OTOA: variants seen among roughly 807,000 people sequenced by gnomAD.
The protein encoded by OTOA is otoancorin, also known as cancer/testis antigen 108.
A neutral mutation model predicts 110.8 loss-of-function variants in OTOA; 70 were observed. The ratio of observed to expected loss-of-function variants is 0.63; its 90% CI spans 0.52 to 0.77. The LOEUF is 0.77. OTOA is among the 30% of genes least tolerant of loss of function. The pLI, the probability that OTOA is intolerant of heterozygous loss-of-function variation, is 0.00. For missense variants in OTOA, 917 were observed against 1,075.8 expected, an observed-to-expected ratio of 0.85 and a Z score of 2.06; for synonymous variants, 373 against 431.5, an observed-to-expected ratio of 0.86 and a Z score of 1.68.
intron 5 of OTOA, among the ~76,000 whole-genome samples, chr16:21,681,338 C>A (rs1966888707): frequency 6.6e-6 from 1 of 152,096 alleles, no homozygotes; most frequent in Non-Finnish European, 1.5e-5. Context: ...CTCCTGTAAT[C>A]CCAGTACTTT....
chr16:21,674,890 A>T (rs1208649914), intron 1 of OTOA, among the ~76,000 whole-genome samples: 33 of 137,920 alleles, frequency 2.4e-4, no homozygotes, highest in Admixed American at 6.0e-4. Context: ...GATTTTTTTT[A>T]AAAATCTTTT....
At chr16:21,671,586 C>CAAAAAAAAAAAAAAA (rs369010025) in intron 1 of OTOA, among the ~76,000 whole-genome samples, 2 of 78,470 alleles carry the variant, frequency 2.5e-5, no homozygotes, top group Non-Finnish European at 2.6e-5. Flanking sequence ...GACTCCATAT[C>CAAAAAAAAAAAAAAA]AAAAAAAAAA....
Position 21,692,326 on chromosome 16 carries a change from C to T in OTOA, c.739+639C>T, listed in dbSNP as rs183591477. 1.5e-4 allele frequency among the ~76,000 whole-genome samples: 21 copies of T among 141,988 alleles called. No individual in the cohort carries two copies. The East Asian group carries it at 3.7e-3, about 25-fold the overall frequency. The allele number at this position is 141,988 out of a possible 152,430, so 93.1% of individuals were successfully genotyped here. ...TGGGTGACAGAGCGAGACTCCGTCTCGAAAAAAAAAAAAAGAGAGAGAGAC... is the reference window on the plus strand; with the variant it reads ...TGGGTGACAGAGCGAGACTCCGTCTTGAAAAAAAAAAAAAGAGAGAGAGAC... On this transcript the variant is annotated intron_variant, in intron 9 of 28. Coordinates refer to ENST00000646100, the MANE Select transcript of OTOA (RefSeq NM_144672.4).
chr16:21,723,815 A>C (rs1898834955), intron 18 of OTOA, among the ~76,000 whole-genome samples: 1 of 152,154 alleles, frequency 6.6e-6, no homozygotes, highest in Non-Finnish European at 1.5e-5. Context: ...TGGAAGATCT[A>C]AGGTTAAATT....
intron 12 of OTOA, 104 bp downstream of exon 12, chr16:21,705,396 T>TA: frequency 6.4e-7 from 1 of 1,568,672 alleles, no homozygotes; most frequent in Non-Finnish European, 8.7e-7. Context: ...CACACAGCAT[T>TA]AGTCGGGATT....
intron 9 of OTOA, among the ~76,000 whole-genome samples, chr16:21,695,886 T>TAG (rs1597817432): frequency 1.6e-5 from 1 of 60,852 alleles, no homozygotes; most frequent in Non-Finnish European, 3.1e-5. Flanking sequence ...TATATATATA[T>TAG]ATATATTTTT....
chr16:21,675,937 A>G (rs956666082), intron 1 of OTOA, among the ~76,000 whole-genome samples: 1 of 151,998 alleles, frequency 6.6e-6, no homozygotes, highest in Admixed American at 6.6e-5. Flanking sequence ...TTTATTAAAA[A>G]ATTTCTTTGA....
intron 6 of OTOA, among the ~76,000 whole-genome samples, chr16:21,684,995 C>G (rs555219680): frequency 3.4e-4 from 51 of 152,130 alleles, no homozygotes; most frequent in African/African-American, 1.2e-3. Context: ...CGTGATCCAC[C>G]CGCCTCGGCC....
At chr16:21,672,580 G>A (rs994869973) in intron 1 of OTOA, among the ~76,000 whole-genome samples, 11 of 145,516 alleles carry the variant, frequency 7.6e-5, no homozygotes, top group Admixed American at 4.2e-4. Context: ...CCGAGATTGC[G>A]CCACTACACT....
At chr16:21,758,858 C>T (rs1474414443) in intron 28 of OTOA, among the ~76,000 whole-genome samples, 1 of 151,506 alleles carries the variant, frequency 6.6e-6, no homozygotes, top group Non-Finnish European at 1.5e-5. Context: ...AAAAATTAGC[C>T]GGGTGTGGTG....
In OTOA at chr16:21,708,200, G is replaced by A. The variant is rs145056557; in HGVS notation, c.1105-1688G>A. ...TGAGCTTGTTTTCCTGCAACTAGACGGTCCCATCTGGGGGTGATGAGAGAC... is the reference window on the plus strand; with the variant it reads ...TGAGCTTGTTTTCCTGCAACTAGACAGTCCCATCTGGGGGTGATGAGAGAC... On this transcript the variant is annotated intron_variant, in intron 12 of 28. Coordinates refer to ENST00000646100, the MANE Select transcript of OTOA (RefSeq NM_144672.4). Among the ~76,000 whole-genome samples, 308 of 152,234 alleles carry A rather than the reference G, an allele frequency of 2.0e-3. 2 individuals carry two copies. The highest frequency in any genetic ancestry group is 4.7e-3 in the Admixed American group (72 of 15,282).
At chr16:21,716,263 G>T (rs1012156240) in intron 14 of OTOA, among the ~76,000 whole-genome samples, 4 of 150,480 alleles carry the variant, frequency 2.7e-5, no homozygotes, top group African/African-American at 4.9e-5. Flanking sequence ...CTGTCCAATG[G>T]CAAAATCTGT....
intron 24 of OTOA, among the ~76,000 whole-genome samples, chr16:21,751,194 A>G (rs1347326466): frequency 0.072 from 189 of 2,618 alleles, 12 homozygotes; most frequent in African/African-American, 0.17. Flanking sequence ...GACTGGTTTG[A>G]ACAAAGGCAA....
At chr16:21,722,038 A>G (rs1026336746) in intron 17 of OTOA, among the ~76,000 whole-genome samples, 10 of 150,898 alleles carry the variant, frequency 6.6e-5, no homozygotes, top group African/African-American at 2.4e-4. Context: ...AGCCTGGCCA[A>G]CCTAAAAAAA....
At chr16:21,679,356 C>T (rs1391959817) in intron 5 of OTOA, 145 bp downstream of exon 5, 1 of 970,864 alleles carries the variant, frequency 1.0e-6, no homozygotes, top group African/African-American at 1.7e-5. Context: ...TCAACAAACA[C>T]CCTTGCTCCA....
At chr16:21,693,861 C>A (rs1271835897) in intron 9 of OTOA, among the ~76,000 whole-genome samples, 1 of 151,958 alleles carries the variant, frequency 6.6e-6, no homozygotes. Flanking sequence ...CAGGCATAAA[C>A]CACTGCACCC....
At chr16:21,717,142 T>G in intron 15 of OTOA, 95 bp downstream of exon 15, 2 of 1,536,382 alleles carry the variant, frequency 1.3e-6, no homozygotes, top group East Asian at 2.3e-5. Flanking sequence ...TAAAAGAAAT[T>G]TATTTCTGTG....
chr16:21,691,386 A>G (rs1897826054), intron 8 of OTOA, among the ~76,000 whole-genome samples, 198 bp from the exon 9 acceptor site: 4 of 152,190 alleles, frequency 2.6e-5, no homozygotes, highest in Non-Finnish European at 4.4e-5. Flanking sequence ...TTGAGGAATC[A>G]CCACGCTGTC....
At position 21,681,873 on chromosome 16, in the gene OTOA, A is replaced by G. The variant is rs1175888243; in HGVS notation, c.267+48A>G. ...TATGTTCCCATCTCAGTGCTCAGGG[A>G]TTGCAAACTCAGGGGCCAGGTAAGT... On this transcript the variant is annotated intron_variant, in intron 6 of 28. Transcript: ENST00000646100. The G allele has an allele frequency of 2.6e-6, 4 of 1,558,238 alleles. No homozygotes were observed. The Admixed American group carries it at 6.7e-5, about 26-fold the overall frequency.
Sources: gnomAD v4.1 joint callset for allele counts (sites outside exome capture counted in the v4.1 genomes callset) on GRCh38, gnomAD v4.1.1 for gene constraint, MANE v1.5 for transcripts, NCBI Gene and HGNC (gene_info 2026-07-23, HGNC 2026-07-21) for gene names.